ZNF664: variants seen among roughly 807,000 people sequenced by gnomAD.
ZNF664 encodes zinc finger protein 664, also known as zinc finger Organ of Corti 1.
ZNF664 carries 10 observed loss-of-function variants against 18.2 expected under a neutral mutation model. That is an observed-to-expected ratio of 0.55 (90% CI 0.34 to 0.93). ZNF664 has a LOEUF of 0.93. ZNF664 is among the 40% of genes least tolerant of loss of function. ZNF664 has a pLI of 0.02. For missense variants in ZNF664, 193 were observed against 319.0 expected (o/e 0.61, Z 3.01); for synonymous variants, 119 against 104.2 (o/e 1.14, Z -0.86).
intron 2 of ZNF664, 30 bp from the exon 3 acceptor site, chr12:123,988,013 C>T (rs955259856): frequency 1.5e-5 from 19 of 1,231,176 alleles, no homozygotes; most frequent in Admixed American, 8.4e-5. Flanking sequence ...TAAATAAACC[C>T]ATTTTTCTCT....
At chr12:123,990,650 C>T (rs1956878294) in intron 3 of ZNF664, among the ~76,000 whole-genome samples, 1 of 152,176 alleles carries the variant, frequency 6.6e-6, no homozygotes, top group East Asian at 1.9e-4. Flanking sequence ...CTGAACTAAA[C>T]CTCTGTGCTT....
At chr12:124,003,988 G>T (rs755966932) in intron 3 of ZNF664, among the ~76,000 whole-genome samples, 3 of 152,192 alleles carry the variant, frequency 2.0e-5, no homozygotes, top group Non-Finnish European at 2.9e-5. Context: ...CTGAGAGTAG[G>T]TGGGGCCAGA....
chr12:124,009,939 C>T (rs1412155464), intron 3 of ZNF664, among the ~76,000 whole-genome samples: 3 of 150,518 alleles, frequency 2.0e-5, no homozygotes, highest in Non-Finnish European at 4.4e-5. Context: ...CATGTCAGTG[C>T]ACAGTGCTTG....
Position 123,973,901 on chromosome 12 carries a change from G to A in ZNF664, c.-876G>A, listed in dbSNP as rs113545800. 24,561 of 1,231,842 alleles carry A rather than the reference G, an allele frequency of 0.02. 279 individuals are homozygous for A. Among genetic ancestry groups the A allele is most frequent in the Non-Finnish European group, 0.023 (22,783 of 988,048 alleles). The allele number at this position is 1,231,842 out of a possible 1,614,324, so 76.3% of individuals were successfully genotyped here. ...TGTTTTTCAGGGCGCCCTGCGTCCG[G>A]CAGAGGAGGCGAGCATCCCGCTCAG... is the stretch of plus-strand genomic sequence containing the variant. On this transcript the variant is annotated 5_prime_UTR_variant, in exon 2 of 5. Coordinates refer to ENST00000337815, the MANE Select transcript of ZNF664 (RefSeq NM_152437.3).
intron 2 of ZNF664, among the ~76,000 whole-genome samples, chr12:123,976,143 T>A (rs891757688): frequency 1.3e-5 from 2 of 152,146 alleles, no homozygotes; most frequent in Admixed American, 6.5e-5. Flanking sequence ...TGAGGGGGAT[T>A]GGAATTTAAA....
At chr12:123,989,145 CTG>C (rs529754083) in intron 3 of ZNF664, among the ~76,000 whole-genome samples, 2 of 152,182 alleles carry the variant, frequency 1.3e-5, no homozygotes, top group Non-Finnish European at 2.9e-5. Flanking sequence ...GGTCTAGTGA[CTG>C]TGCGTTGTTA....
intron 3 of ZNF664, among the ~76,000 whole-genome samples, chr12:123,990,275 G>A (rs1464683644): frequency 5.3e-5 from 8 of 152,154 alleles, no homozygotes; most frequent in Non-Finnish European, 1.5e-5. Context: ...TAGATTTTAT[G>A]TTATGTGTTT....
chr12:124,013,317 C>CT lies in ZNF664; in HGVS notation c.*389dup, dbSNP rs1372661188. ...CCCCCTTGAGGAGCTCATGCCCTTC[C>CT]TTCCTCTTTATTCGAGCATACTGGC... On this transcript the variant is annotated 3_prime_UTR_variant, in exon 5 of 5. Coordinates refer to ENST00000337815, the MANE Select transcript of ZNF664 (RefSeq NM_152437.3). 1 of 214,058 alleles carries CT rather than the reference C, an allele frequency of 4.7e-6. No individual in the cohort carries two copies. Among genetic ancestry groups the CT allele is most frequent in the East Asian group, 1.3e-4 (1 of 7,580 alleles). The allele number at this position is 214,058 out of a possible 1,614,324, so 13.3% of individuals were successfully genotyped here.
At chr12:124,008,520 G>A (rs1277985124) in intron 3 of ZNF664, among the ~76,000 whole-genome samples, 1 of 152,196 alleles carries the variant, frequency 6.6e-6, no homozygotes, top group Non-Finnish European at 1.5e-5. Context: ...TGAGGAGAAT[G>A]CACATATTAG....
At position 124,013,168 on chromosome 12, in the gene ZNF664, T is replaced by A; in HGVS notation, c.*238T>A. The A allele has an allele frequency of 5.2e-6, 3 of 580,600 alleles. No individual in the cohort carries two copies. The highest frequency in any genetic ancestry group is 2.3e-5 in the South Asian group (1 of 43,628). 36.0% of individuals were successfully genotyped at this position (580,600 alleles called of 1,614,324 possible). The stretch of plus-strand genomic sequence containing the variant: ...GGCTCTCAGGTCCCAGTCACAGACG[T>A]CGCTTCCTGGGATTCCAGCACGATG... On this transcript the variant is annotated 3_prime_UTR_variant, in exon 5 of 5. Transcript: ENST00000337815.
chr12:123,988,607 A>G lies in ZNF664; in HGVS notation c.-661+469A>G, dbSNP rs530539172. ...TGTTTTTTTTTTCCCCAACGTCTGA[A>G]TAATAGCTTTTTCCTTAAATATGAG... On this transcript the variant is annotated intron_variant, in intron 3 of 4. Coordinates refer to ENST00000337815, the MANE Select transcript of ZNF664 (RefSeq NM_152437.3). Among the ~76,000 whole-genome samples the G allele has an allele frequency of 2.5e-4, 38 of 152,108 alleles. No individual in the cohort carries two copies. The Middle Eastern group carries it at 0.017, about 68-fold the overall frequency.
At chr12:123,991,340 A>C (rs1276715950) in intron 3 of ZNF664, among the ~76,000 whole-genome samples, 2 of 152,202 alleles carry the variant, frequency 1.3e-5, no homozygotes, top group Non-Finnish European at 2.9e-5. Flanking sequence ...TCCTGTGACT[A>C]GATAGTCAAG....
At chr12:123,992,291 C>T (rs966120114) in intron 3 of ZNF664, among the ~76,000 whole-genome samples, 2 of 152,160 alleles carry the variant, frequency 1.3e-5, no homozygotes, top group African/African-American at 4.8e-5. Flanking sequence ...TCTCCTAGTG[C>T]TCAGGAGTCA....
At chr12:123,987,963 A>G (rs916476765) in intron 2 of ZNF664, 80 bp from the exon 3 acceptor site, 3 of 1,229,408 alleles carry the variant, frequency 2.4e-6, no homozygotes, top group Non-Finnish European at 3.0e-6. Context: ...CGTTTATAGT[A>G]GCTAGTTCAT....
intron 3 of ZNF664, among the ~76,000 whole-genome samples, chr12:123,992,464 T>C (rs1338120095): frequency 6.6e-6 from 1 of 152,270 alleles, no homozygotes; most frequent in East Asian, 1.9e-4. Flanking sequence ...CTAAATTTAG[T>C]TGGAGAATCC....
At chr12:123,989,504 G>GGTC (rs1208914343) in intron 3 of ZNF664, 2 of 152,124 alleles carry the variant, frequency 1.3e-5, no homozygotes, top group Non-Finnish European at 2.9e-5. Flanking sequence ...TATGCGCTTT[G>GGTC]GTCCCAGTTT....
chr12:123,998,928 C>G (rs1249589568), intron 3 of ZNF664, among the ~76,000 whole-genome samples: 3 of 152,194 alleles, frequency 2.0e-5, no homozygotes, highest in Non-Finnish European at 4.4e-5. Flanking sequence ...GGGCTGGCTT[C>G]TCTCATTGTC....
At chr12:123,997,556 C>CA (rs1447051873) in intron 3 of ZNF664, 8 of 152,346 alleles carry the variant, frequency 5.3e-5, no homozygotes, top group Non-Finnish European at 1.2e-4. Context: ...CAGTCATCCC[C>CA]ACGTGGCCTT....
chr12:123,995,989 T>C (rs1956943677), intron 3 of ZNF664, among the ~76,000 whole-genome samples: 1 of 151,848 alleles, frequency 6.6e-6, no homozygotes, highest in Non-Finnish European at 1.5e-5. Context: ...GAGGGAGAGG[T>C]AATCCCTGAA....
Sources: allele counts gnomAD v4.1 joint callset (sites outside exome capture counted in the v4.1 genomes callset), GRCh38; gene constraint gnomAD v4.1.1; transcripts MANE v1.5; gene names NCBI Gene and HGNC (gene_info 2026-07-23, HGNC 2026-07-21).